Variants in NAA10 observed in about 807,000 individuals in gnomAD.
NAA10 encodes N-alpha-acetyltransferase 10.
In NAA10, 6 loss-of-function variants were observed where a neutral mutation model predicts 19.2. The observed-to-expected ratio is 0.31, with a 90% CI of 0.17 to 0.62. NAA10 has a LOEUF of 0.62. Ranked by LOEUF, NAA10 falls within the 20% of genes least tolerant of loss-of-function variation. The pLI is 0.83. For synonymous variants in NAA10, 97 were observed against 79.9 expected (o/e 1.21, Z -1.14); for missense variants, 101 against 198.4 (o/e 0.51, Z 2.95).
Position 153,929,829 on chromosome X carries a change from G to T in NAA10, c.*158C>A. ...TCTTTCCTTGTACTCGGGCCTGGCA[G>T]GATGCTCTGGGTCAAAAGGCCAAGG... On this transcript the variant is annotated 3_prime_UTR_variant, in exon 8 of 8. Transcript: ENST00000464845. 1 of 492,876 alleles carries T rather than the reference G, an allele frequency of 2.0e-6. No homozygotes were observed. The highest frequency in any genetic ancestry group is 2.9e-5 in the South Asian group (1 of 34,115). The allele number at this position is 492,876 out of a possible 1,213,427, so 40.6% of individuals were successfully genotyped here.
intron 3 of NAA10, chrX:153,932,952 C>T (rs1169966072): frequency 7.9e-6 from 2 of 252,070 alleles, no homozygotes; most frequent in Admixed American, 1.1e-4. Context: ...ACTTGGGAGG[C>T]AGACATGAGA....
chrX:153,931,462 C>G (rs1557107357), intron 6 of NAA10: 2 of 807,384 alleles, frequency 2.5e-6, no homozygotes, highest in Non-Finnish European at 3.0e-6. Flanking sequence ...TCTTCATCCC[C>G]TACCAAACGG....
In NAA10 at chrX:153,929,930, G is replaced by A; in HGVS notation, c.*57C>T. On this transcript the variant is annotated 3_prime_UTR_variant, in exon 8 of 8. Coordinates refer to ENST00000464845, the MANE Select transcript of NAA10 (RefSeq NM_003491.4). ...GCGCTCACACACAAAGTTCCCCAGT[G>A]CCACGGAGCGAATTTATTGTGAAAG... 2.9e-6 allele frequency: 3 copies of A among 1,027,765 alleles called. No individual in the cohort carries two copies. The East Asian group carries it at 9.1e-5, about 31-fold the overall frequency. The allele number at this position is 1,027,765 out of a possible 1,213,427, so 84.7% of individuals were successfully genotyped here. A position where few individuals can be genotyped will look rare whatever the true frequency, so the allele number is the denominator to read the frequency against.
intron 6 of NAA10, chrX:153,931,075 G>C: frequency 9.0e-7 from 1 of 1,108,071 alleles, no homozygotes; most frequent in African/African-American, 1.8e-5. Flanking sequence ...CCTTAGCCTG[G>C]ATACTAAGGA....
intron 1 of NAA10, 93 bp from the exon 2 acceptor site, chrX:153,934,568 C>A: frequency 2.7e-6 from 2 of 730,018 alleles, no homozygotes; most frequent in South Asian, 4.5e-5. Flanking sequence ...CTCGGCCCCG[C>A]TCCCTCGGGG....
intron 6 of NAA10, 186 bp from the exon 7 acceptor site, chrX:153,931,033 C>A (rs1461787659): frequency 8.7e-7 from 1 of 1,148,865 alleles, no homozygotes; most frequent in Admixed American, 2.6e-5. Context: ...GACACAGCGG[C>A]CCGCCCCACC....
chrX:153,931,798 T>C (rs1557107412), intron 6 of NAA10: 7 of 1,071,960 alleles, frequency 6.5e-6, no homozygotes, highest in African/African-American at 1.9e-5. Flanking sequence ...ACAGCCCGTG[T>C]GCCCTTCGCC....
intron 6 of NAA10, chrX:153,931,268 C>T (rs782615613): frequency 1.1e-5 from 10 of 891,804 alleles, no homozygotes; most frequent in East Asian, 7.9e-5. Context: ...TGTGCAGACT[C>T]GCGTGGCCAT....
intron 6 of NAA10, 86 bp downstream of exon 6, chrX:153,931,985 G>C: frequency 3.3e-6 from 4 of 1,210,523 alleles, no homozygotes; most frequent in Non-Finnish European, 2.2e-6. Flanking sequence ...CCCCGACCTG[G>C]AAGGCAACTC....
intron 7 of NAA10, chrX:153,930,466 G>C: frequency 4.4e-6 from 2 of 454,843 alleles, no homozygotes; most frequent in Admixed American, 3.7e-5. Context: ...CCTGCCACCC[G>C]ATGAGCCTTG....
At chrX:153,931,677 C>A in intron 6 of NAA10, 1 of 887,631 alleles carries the variant, frequency 1.1e-6, no homozygotes, top group Non-Finnish European at 1.4e-6. Context: ...GCATTCTCCT[C>A]GATTCTGCTC....
chrX:153,934,956 G>A lies in NAA10; in HGVS notation c.-52C>T. The A allele has an allele frequency of 1.0e-6, 1 of 960,202 alleles. No homozygotes were observed. Among genetic ancestry groups the A allele is most frequent in the Non-Finnish European group, 1.3e-6 (1 of 760,102 alleles). The allele number at this position is 960,202 out of a possible 1,213,427, so 79.1% of individuals were successfully genotyped here. ...GCGGATCGTGAAGGCGCAGTCAGCTGCCGCCGCGCTCCGAAGCGACGCCGG... is the reference window on the plus strand; with the variant it reads ...GCGGATCGTGAAGGCGCAGTCAGCTACCGCCGCGCTCCGAAGCGACGCCGG... On this transcript the variant is annotated 5_prime_UTR_variant, in exon 1 of 8. Transcript: ENST00000464845.
At chrX:153,934,074 G>A in intron 2 of NAA10, 73 bp from the exon 3 acceptor site, 1 of 982,601 alleles carries the variant, frequency 1.0e-6, no homozygotes. Context: ...ACACAAACTG[G>A]ACGAGTGGCG....
At chrX:153,930,651 G>T in intron 7 of NAA10, 112 bp downstream of exon 7, 1 of 820,204 alleles carries the variant, frequency 1.2e-6, no homozygotes, top group Non-Finnish European at 1.8e-6. Flanking sequence ...GTGACTCCTG[G>T]CAACGTAGCC....
intron 3 of NAA10, chrX:153,933,594 C>T (rs1557107768): frequency 7.3e-6 from 1 of 137,466 alleles, no homozygotes; most frequent in East Asian, 2.0e-4. Context: ...ATCGCTTGAA[C>T]CCAGGGGGTG....
At position 153,934,865 on chromosome X, in the gene NAA10, T is replaced by C; in HGVS notation, c.21+19A>G. ...CGGCGCCCACGCGGCGCGGACAGCC[T>C]CCCGCCCCGGGCGCTCACCCTCGCA... is the stretch of plus-strand genomic sequence containing the variant. On this transcript the variant is annotated intron_variant, in intron 1 of 7. Transcript: ENST00000464845. 1 of 1,000,807 alleles carries C rather than the reference T, an allele frequency of 1.0e-6. No homozygotes were observed. Among genetic ancestry groups the C allele is most frequent in the Non-Finnish European group, 1.3e-6 (1 of 784,936 alleles). The allele number at this position is 1,000,807 out of a possible 1,213,427, so 82.5% of individuals were successfully genotyped here. A position where few individuals can be genotyped will look rare whatever the true frequency, so the allele number is the denominator to read the frequency against.
chrX:153,932,258 C>T, intron 5 of NAA10, 58 bp downstream of exon 5: 2 of 1,144,896 alleles, frequency 1.7e-6, no homozygotes, highest in Non-Finnish European at 2.4e-6. Flanking sequence ...TACCCCAGGA[C>T]CCCCGTCAAG....
chrX:153,931,567 G>A, intron 6 of NAA10: 11 of 814,155 alleles, frequency 1.4e-5, no homozygotes, highest in Non-Finnish European at 1.6e-5. Flanking sequence ...CAACTGCCAG[G>A]TTCTCTCTAG....
chrX:153,934,635 A>T (rs2065186480), intron 1 of NAA10, 160 bp from the exon 2 acceptor site: 2 of 573,506 alleles, frequency 3.5e-6, no homozygotes, highest in Non-Finnish European at 5.8e-6. Context: ...CAGGAACAGG[A>T]GTGGGCGCCC....
Sources: gnomAD v4.1 joint callset for allele counts on GRCh38, gnomAD v4.1.1 for gene constraint, MANE v1.5 for transcripts, NCBI Gene and HGNC (gene_info 2026-07-23, HGNC 2026-07-21) for gene names.